The following ELF2 variants were observed in gnomAD, a reference collection of about 807,000 sequenced individuals.
The protein encoded by ELF2 is E74 like ETS transcription factor 2.
ELF2 carries 11 observed loss-of-function variants against 54.8 expected under a neutral mutation model. That is an observed-to-expected ratio of 0.20 (90% confidence interval 0.13 to 0.33). The LOEUF (loss-of-function observed/expected upper bound fraction) is 0.33, where lower values mean the gene tolerates loss of function less well. ELF2 is among the 10% of genes least tolerant of loss of function. The pLI is 1.00. For missense variants in ELF2, 513 were observed against 703.0 expected, an observed-to-expected ratio of 0.73 and a Z score of 3.06; for synonymous variants, 203 against 245.1, an observed-to-expected ratio of 0.83 and a Z score of 1.61.
At chr4:139,080,281 A>G (rs1730919626) in intron 4 of ELF2, among the ~76,000 whole-genome samples, 1 of 152,184 alleles carries the variant, frequency 6.6e-6, no homozygotes, top group Admixed American at 6.5e-5. Flanking sequence ...TCTTAAATTC[A>G]TTTTCAAATG....
chr4:139,073,375 A>G (rs1231085430), intron 5 of ELF2, 79 bp downstream of exon 5: 2 of 905,078 alleles, frequency 2.2e-6, no homozygotes, highest in Non-Finnish European at 3.2e-6. Context: ...ATTCCATTGG[A>G]TTAAAAAAAC....
intron 3 of ELF2, among the ~76,000 whole-genome samples, chr4:139,127,208 T>C (rs373119953): frequency 1.3e-5 from 2 of 152,194 alleles, no homozygotes; most frequent in African/African-American, 2.4e-5. Flanking sequence ...CTACTATGTG[T>C]TGGAGGAAGA....
Position 139,147,856 on chromosome 4 carries a change from G to A in ELF2, c.-251-8359C>T, listed in dbSNP as rs563040852. 1.3e-3 allele frequency among the ~76,000 whole-genome samples: 186 copies of A among 145,752 alleles called. 2 individuals carry two copies. The highest frequency in any genetic ancestry group is 4.4e-3 in the African/African-American group (172 of 39,260). ...GGCTGGAGTGCAATGGCACGATCTC[G>A]GCTCACCGCAACCTCCGCCTCCCAG... On this transcript the variant is annotated intron_variant, in intron 1 of 9. Coordinates refer to ENST00000686138, the MANE Select transcript of ELF2 (RefSeq NM_001331036.3).
chr4:139,082,779 TAGGAACCGGGAAG>T (rs1357888028), intron 4 of ELF2, among the ~76,000 whole-genome samples: 1 of 152,110 alleles, frequency 6.6e-6, no homozygotes, highest in East Asian at 1.9e-4. Flanking sequence ...CAATATGAAA[TAGGAACCGGGAAG>T]AGGAACATGT....
chr4:139,135,856 T>C (rs1323797864), intron 3 of ELF2, among the ~76,000 whole-genome samples: 1 of 152,164 alleles, frequency 6.6e-6, no homozygotes, highest in Non-Finnish European at 1.5e-5. Flanking sequence ...ATTTCATTTA[T>C]GAGATTCTTT....
chr4:139,131,161 A>G (rs1179701124), intron 3 of ELF2, among the ~76,000 whole-genome samples: 4 of 152,214 alleles, frequency 2.6e-5, no homozygotes, highest in Non-Finnish European at 5.9e-5. Context: ...TACCCAGTTA[A>G]ATTTGAATTT....
chr4:139,142,748 A>C (rs967085923), intron 1 of ELF2, among the ~76,000 whole-genome samples: 1 of 152,082 alleles, frequency 6.6e-6, no homozygotes, highest in Non-Finnish European at 1.5e-5. Flanking sequence ...GATCATAGCC[A>C]AGCATGATGG....
In ELF2 at chr4:139,090,210, C is replaced by T. The variant is rs184069971; in HGVS notation, c.239-16643G>A. On this transcript the variant is annotated intron_variant, in intron 4 of 9. Coordinates refer to ENST00000686138, the MANE Select transcript of ELF2 (RefSeq NM_001331036.3). ...CTGAGTAGCTAAGACTATAGGCACA[C>T]ACCACCACACCCAGCTTATCAGTAC... Among the ~76,000 whole-genome samples the T allele has an allele frequency of 1.2e-4, 19 of 152,316 alleles. 1 individual carries two copies. In the East Asian group the frequency reaches 3.1e-3, roughly 25 times the overall value.
Position 139,058,870 on chromosome 4 carries a change from T to C in ELF2, c.*113A>G. On this transcript the variant is annotated 3_prime_UTR_variant, in exon 10 of 10. Transcript: ENST00000686138. ...TCCAGTAAGTCTGATTGTTTTTGTATATGCATTAAAAATGTTTTAAAGTCT... is the reference window on the plus strand; with the variant it reads ...TCCAGTAAGTCTGATTGTTTTTGTACATGCATTAAAAATGTTTTAAAGTCT... The C allele has an allele frequency of 7.2e-7, 1 of 1,397,450 alleles. No individual in the cohort carries two copies. The highest frequency in any genetic ancestry group is 9.6e-7 in the Non-Finnish European group (1 of 1,041,698). 86.6% of individuals were successfully genotyped at this position (1,397,450 alleles called of 1,614,324 possible).
At chr4:139,158,515 C>T (rs747541524) in intron 1 of ELF2, among the ~76,000 whole-genome samples, 5 of 151,844 alleles carry the variant, frequency 3.3e-5, no homozygotes, top group Admixed American at 2.6e-4. Flanking sequence ...TTAGGGGCGA[C>T]GTGGGAACCT....
chr4:139,161,888 A>G (rs1353369941), intron 1 of ELF2, among the ~76,000 whole-genome samples: 1 of 151,906 alleles, frequency 6.6e-6, no homozygotes, highest in East Asian at 1.9e-4. Context: ...AGGTCAGGAG[A>G]TCGAGATCAT....
chr4:139,141,680 T>A (rs533555110), intron 1 of ELF2, among the ~76,000 whole-genome samples: 1 of 152,290 alleles, frequency 6.6e-6, no homozygotes, highest in African/African-American at 2.4e-5. Context: ...AGGAAGGCCA[T>A]ATGAGGACCT....
intron 1 of ELF2, among the ~76,000 whole-genome samples, chr4:139,154,204 A>G (rs1740302544): frequency 6.6e-6 from 1 of 152,200 alleles, no homozygotes; most frequent in African/African-American, 2.4e-5. Context: ...AGAACACAAT[A>G]GGTGCTCAAT....
chr4:139,090,291 C>T (rs6535881), intron 4 of ELF2, among the ~76,000 whole-genome samples: 152,284 of 152,338 alleles, frequency 1, 76,115 homozygotes, highest in Non-Finnish European at 1. Context: ...AGTGGTTTGG[C>T]AGAGTTACGA....
chr4:139,173,350 A>C (rs1742522241), intron 1 of ELF2, among the ~76,000 whole-genome samples: 1 of 152,214 alleles, frequency 6.6e-6, no homozygotes, highest in Non-Finnish European at 1.5e-5. Context: ...CAAAAACATG[A>C]ATATTCATAG....
intron 1 of ELF2, among the ~76,000 whole-genome samples, chr4:139,170,133 C>T (rs1742129302): frequency 6.6e-6 from 1 of 151,952 alleles, no homozygotes; most frequent in South Asian, 2.1e-4. Context: ...GCAGAAAAAT[C>T]TCAAGATCTT....
intron 1 of ELF2, among the ~76,000 whole-genome samples, chr4:139,151,096 A>AGAGAGAGAGAGAAAGAAAGAAAG: frequency 7.8e-6 from 1 of 128,284 alleles, no homozygotes; most frequent in African/African-American, 3.2e-5. Flanking sequence ...AAGAAAGAAA[A>AGAGAGAGAGAGAAAGAAAGAAAG]AGAGAGCTAT....
chr4:139,071,811 A>C, intron 6 of ELF2, 55 bp downstream of exon 6: 1 of 1,513,680 alleles, frequency 6.6e-7, no homozygotes, highest in Non-Finnish European at 8.9e-7. Flanking sequence ...GATGAGGAAA[A>C]AGATAAGAGA....
intron 3 of ELF2, among the ~76,000 whole-genome samples, chr4:139,135,495 C>G (rs72931816): frequency 0.019 from 2,934 of 151,982 alleles, 37 homozygotes; most frequent in East Asian, 0.039. Flanking sequence ...TTTGGTGAAG[C>G]CTTCCTTGGC....
Sources: allele counts gnomAD v4.1 joint callset (sites outside exome capture counted in the v4.1 genomes callset), GRCh38; gene constraint gnomAD v4.1.1; transcripts MANE v1.5; gene names NCBI Gene and HGNC (gene_info 2026-07-23, HGNC 2026-07-21).